Variants in GAPVD1 observed in about 807,000 individuals in gnomAD.
The protein encoded by GAPVD1 is GTPase activating protein and VPS9 domains 1.
GAPVD1 carries 35 observed loss-of-function variants against 155.5 expected under a neutral mutation model. That is an observed-to-expected ratio of 0.23 (90% CI 0.17 to 0.30). The LOEUF (loss-of-function observed/expected upper bound fraction) is 0.30. Ranked by LOEUF, GAPVD1 falls within the 10% of genes least tolerant of loss-of-function variation. GAPVD1 has a pLI of 1.00. For synonymous variants in GAPVD1, 636 were observed against 619.7 expected, an observed-to-expected ratio of 1.03 and a Z score of -0.39; for missense variants, 1,429 against 1,775.7, an observed-to-expected ratio of 0.80 and a Z score of 3.51.
chr9:125,277,007 C>T (rs1300740664), intron 2 of GAPVD1, among the ~76,000 whole-genome samples: 2 of 151,992 alleles, frequency 1.3e-5, no homozygotes, highest in South Asian at 4.1e-4. Flanking sequence ...CTCAGGCGAT[C>T]CTCCCACTTT....
intron 2 of GAPVD1, among the ~76,000 whole-genome samples, chr9:125,279,821 C>T (rs1403133122): frequency 6.7e-6 from 1 of 149,306 alleles, no homozygotes; most frequent in Non-Finnish European, 1.5e-5. Context: ...AGTACAATGG[C>T]GAGATCTTGG....
chr9:125,348,033 G>GTATATA lies in GAPVD1; in HGVS notation c.3169+1098_3169+1103dup, dbSNP rs150785788. On this transcript the variant is annotated intron_variant, in intron 20 of 27. Transcript: ENST00000297933. Reference sequence around the variant, plus strand: ...CCATATATAGAGAGTGTGTGTGTGTGTATATATATATGTTTTGTTTTTGTT... The same window carrying GTATATA: ...CCATATATAGAGAGTGTGTGTGTGTGTATATATATATATATATGTTTTGTTTTTGTT... 1.2e-4 allele frequency among the ~76,000 whole-genome samples: 18 copies of GTATATA among 152,026 alleles called. 1 individual carries two copies. The South Asian group carries it at 3.1e-3, about 26-fold the overall frequency.
At chr9:125,311,710 T>G (rs191121172) in intron 8 of GAPVD1, among the ~76,000 whole-genome samples, 1 of 146,604 alleles carries the variant, frequency 6.8e-6, no homozygotes, top group Admixed American at 6.9e-5. Context: ...CATATAAAAT[T>G]TTCTTTATTG....
chr9:125,362,871 A>G lies in GAPVD1; in HGVS notation c.*125A>G. On this transcript the variant is annotated 3_prime_UTR_variant, in exon 28 of 28. Transcript: ENST00000297933. The stretch of plus-strand genomic sequence containing the variant: ...GATACTGCACAGCATCAGGCATTTT[A>G]AAGCAGATCTTTACTAAACAGGTTA... 1 of 744,820 alleles carries G rather than the reference A, an allele frequency of 1.3e-6. No individual in the cohort carries two copies. Among genetic ancestry groups the G allele is most frequent in the Non-Finnish European group, 2.1e-6 (1 of 481,974 alleles). 46.1% of individuals were successfully genotyped at this position (744,820 alleles called of 1,614,324 possible).
intron 25 of GAPVD1, among the ~76,000 whole-genome samples, chr9:125,356,811 A>G (rs1300685701): frequency 1.3e-5 from 2 of 152,146 alleles, no homozygotes; most frequent in African/African-American, 4.8e-5. Flanking sequence ...AGCTGAGACT[A>G]CAGGCATGTG....
chr9:125,293,590 C>T (rs1371874054), intron 2 of GAPVD1, among the ~76,000 whole-genome samples: 3 of 61,972 alleles, frequency 4.8e-5, no homozygotes, highest in Admixed American at 4.4e-4. Context: ...GCTGGGATGA[C>T]AGGCAGCTGC....
chr9:125,268,148 G>C (rs1281987247), intron 1 of GAPVD1, among the ~76,000 whole-genome samples: 1 of 145,742 alleles, frequency 6.9e-6, no homozygotes, highest in South Asian at 2.2e-4. Context: ...TGAGCAACAA[G>C]AACAAAACTC....
At chr9:125,318,434 A>G (rs756935419) in intron 9 of GAPVD1, among the ~76,000 whole-genome samples, 5 of 152,202 alleles carry the variant, frequency 3.3e-5, no homozygotes, top group Non-Finnish European at 5.9e-5. Context: ...GACTTTGTAC[A>G]GTGGCTTTCT....
intron 8 of GAPVD1, among the ~76,000 whole-genome samples, chr9:125,310,935 G>T (rs1044227149): frequency 2.0e-5 from 3 of 151,752 alleles, no homozygotes; most frequent in African/African-American, 7.3e-5. Flanking sequence ...CGCCTCCCGG[G>T]TTCAAGTGAT....
intron 8 of GAPVD1, among the ~76,000 whole-genome samples, chr9:125,311,573 A>G (rs1252927858): frequency 6.6e-6 from 1 of 152,220 alleles, no homozygotes; most frequent in East Asian, 1.9e-4. Flanking sequence ...ATGAGCCGAG[A>G]CTGCGCCATT....
intron 2 of GAPVD1, 146 bp from the exon 3 acceptor site, chr9:125,295,312 C>G (rs997956168): frequency 5.9e-5 from 9 of 151,654 alleles, no homozygotes; most frequent in Non-Finnish European, 1.0e-4. Context: ...TTATTCATGT[C>G]TAAATTTTAT....
At chr9:125,315,592 T>C (rs577258452) in intron 9 of GAPVD1, among the ~76,000 whole-genome samples, 64 of 152,300 alleles carry the variant, frequency 4.2e-4, no homozygotes, top group African/African-American at 1.4e-3. Context: ...TTTGCCTGCC[T>C]CTGATCTTTC....
chr9:125,301,986 T>C lies in GAPVD1; in HGVS notation c.189T>C (p.Ala63=). ...INLDRLIITS[A]EASPAECCQH... ...CTCTTTTTTTTTTTTTTTTTAGTGC[T>C]GAAGCTTCCCCTGCTGAATGTTGCC... Residue 63 remains alanine (A), a synonymous_variant, in exon 5 of 28, where the codon GCT becomes GCC. Coordinates refer to ENST00000297933, the MANE Select transcript of GAPVD1 (RefSeq NM_001282680.3). 1.3e-6 allele frequency: 2 copies of C among 1,551,254 alleles called. No individual in the cohort carries two copies. The highest frequency in any genetic ancestry group is 1.7e-6 in the Non-Finnish European group (2 of 1,153,236).
rs60875562 is a variant in GAPVD1, at chr9:125,274,404, G to A, written c.-150+5420G>A. ...TCACATATGCATGCACTTACCATTTGATTTGAATTATTTTCCCCCAAAATT... is the reference window on the plus strand; with the variant it reads ...TCACATATGCATGCACTTACCATTTAATTTGAATTATTTTCCCCCAAAATT... On this transcript the variant is annotated intron_variant, in intron 2 of 27. Coordinates refer to ENST00000297933, the MANE Select transcript of GAPVD1 (RefSeq NM_001282680.3). Among the ~76,000 whole-genome samples, 710 of 150,622 alleles carry A rather than the reference G, an allele frequency of 4.7e-3. 5 individuals carry two copies. Among genetic ancestry groups the A allele is most frequent in the Middle Eastern group, 0.014 (4 of 284 alleles).
chr9:125,358,269 C>A (rs1182557903), intron 25 of GAPVD1, among the ~76,000 whole-genome samples: 1 of 152,090 alleles, frequency 6.6e-6, no homozygotes, highest in Non-Finnish European at 1.5e-5. Flanking sequence ...CCATGCCCAG[C>A]TAATTTTTGT....
intron 2 of GAPVD1, among the ~76,000 whole-genome samples, chr9:125,287,158 A>G (rs1837837452): frequency 6.6e-6 from 1 of 152,150 alleles, no homozygotes; most frequent in Non-Finnish European, 1.5e-5. Flanking sequence ...GTTGGAAAGG[A>G]AGGTTTTATT....
At chr9:125,269,965 C>T (rs1002039225) in intron 2 of GAPVD1, among the ~76,000 whole-genome samples, 7 of 151,850 alleles carry the variant, frequency 4.6e-5, no homozygotes, top group Non-Finnish European at 8.8e-5. Context: ...GTGATCTGCC[C>T]GCCTTGGCCT....
chr9:125,323,710 T>C lies in GAPVD1; in HGVS notation c.1733-88T>C, dbSNP rs1000153184. On this transcript the variant is annotated intron_variant, in intron 10 of 27. Transcript: ENST00000297933. ...AAAGTATTAAAAACACTTTAATCAG[T>C]TGTTAGTCTTTTATCAAGGCATGAA... 9.1e-5 allele frequency: 112 copies of C among 1,225,556 alleles called. 3 individuals are homozygous for C. In the South Asian group the frequency reaches 1.3e-3, roughly 14 times the overall value. The allele number at this position is 1,225,556 out of a possible 1,614,324, so 75.9% of individuals were successfully genotyped here.
chr9:125,264,518 A>G (rs1231656645), intron 1 of GAPVD1, among the ~76,000 whole-genome samples: 5 of 152,070 alleles, frequency 3.3e-5, no homozygotes, highest in African/African-American at 9.7e-5. Context: ...TTGAAAGAAT[A>G]GACCATAGAT....
Sources: allele counts gnomAD v4.1 joint callset (sites outside exome capture counted in the v4.1 genomes callset), GRCh38; gene constraint gnomAD v4.1.1; transcripts MANE v1.5; gene names NCBI Gene and HGNC (gene_info 2026-07-23, HGNC 2026-07-21).